The following RALY variants were observed in gnomAD, a reference collection of about 807,000 sequenced individuals.
RALY encodes the protein RALY heterogeneous nuclear ribonucleoprotein.
RALY carries 15 observed loss-of-function variants against 30.7 expected under a neutral mutation model. The observed-to-expected ratio is 0.49, with a 90% CI of 0.33 to 0.75. The LOEUF (loss-of-function observed/expected upper bound fraction) is 0.75, where lower values mean the gene tolerates loss of function less well. RALY is among the 30% of genes least tolerant of loss of function. The pLI, the probability that RALY is intolerant of heterozygous loss-of-function variation, is 0.02. For missense variants in RALY, 339 were observed against 414.3 expected, an observed-to-expected ratio of 0.82 and a Z score of 1.58; for synonymous variants, 177 against 170.8, an observed-to-expected ratio of 1.04 and a Z score of -0.28.
At chr20:34,051,778 T>C (rs565354339) in intron 2 of RALY, among the ~76,000 whole-genome samples, 1 of 152,176 alleles carries the variant, frequency 6.6e-6, no homozygotes, top group East Asian at 1.9e-4. Context: ...TTTGTTGTTG[T>C]TGTTGTTTAG....
At chr20:34,054,704 G>A (rs908330028) in intron 2 of RALY, among the ~76,000 whole-genome samples, 4 of 151,888 alleles carry the variant, frequency 2.6e-5, no homozygotes, top group Non-Finnish European at 5.9e-5. Context: ...TGTATGCCTG[G>A]CATCCCAGCT....
At chr20:34,074,352 C>G (rs1568697459) in intron 5 of RALY, among the ~76,000 whole-genome samples, 1 of 152,162 alleles carries the variant, frequency 6.6e-6, no homozygotes, top group Non-Finnish European at 1.5e-5. Context: ...CCCTGCACTC[C>G]CAAGCCCTAC....
At chr20:34,043,541 T>TG (rs1285946900) in intron 2 of RALY, among the ~76,000 whole-genome samples, 1 of 152,246 alleles carries the variant, frequency 6.6e-6, no homozygotes, top group African/African-American at 2.4e-5. Flanking sequence ...GTGACTTCCT[T>TG]GCTCATGAAA....
At chr20:34,069,615 C>T (rs953866681) in intron 2 of RALY, among the ~76,000 whole-genome samples, 2 of 152,174 alleles carry the variant, frequency 1.3e-5, no homozygotes, top group Non-Finnish European at 2.9e-5. Flanking sequence ...CGTGGATAGA[C>T]AAGGAATTAA....
rs2030975906 is a variant in RALY at position 34,002,754 on chromosome 20, C to T, written c.-93+8623C>T. ...ACATTTCCTTTCAGGTTTAGGTGTC[C>T]AGATATCTGCATCTGGACACCCACA... On this transcript the variant is annotated intron_variant, in intron 1 of 9. Coordinates refer to ENST00000246194, the MANE Select transcript of RALY (RefSeq NM_016732.3). 2.0e-5 allele frequency among the ~76,000 whole-genome samples: 3 copies of T among 152,050 alleles called. No individual in the cohort carries two copies. The South Asian group carries it at 6.2e-4, about 32-fold the overall frequency.
intron 2 of RALY, among the ~76,000 whole-genome samples, chr20:34,059,939 G>A (rs769473066): frequency 2.6e-5 from 4 of 152,154 alleles, no homozygotes; most frequent in Admixed American, 6.5e-5. Flanking sequence ...TTTGCTTAGC[G>A]TCCTCTTCCA....
At chr20:34,024,064 A>T (rs1358767849) in intron 1 of RALY, among the ~76,000 whole-genome samples, 9 of 151,546 alleles carry the variant, frequency 5.9e-5, no homozygotes, top group Non-Finnish European at 1.2e-4. Flanking sequence ...GAATAAGGAG[A>T]CTGGTTCTGG....
intron 1 of RALY, among the ~76,000 whole-genome samples, chr20:34,007,184 G>T (rs778883778): frequency 2.0e-5 from 3 of 152,156 alleles, no homozygotes; most frequent in Non-Finnish European, 4.4e-5. Context: ...TGTCTGCAAA[G>T]CTTTTGTTCC....
intron 1 of RALY, among the ~76,000 whole-genome samples, chr20:33,997,076 T>C (rs2030669497): frequency 6.6e-6 from 1 of 152,180 alleles, no homozygotes; most frequent in Non-Finnish European, 1.5e-5. Flanking sequence ...AAGCCTGTTT[T>C]GAATCTCTGC....
intron 2 of RALY, among the ~76,000 whole-genome samples, chr20:34,048,641 G>A (rs1601469073): frequency 6.6e-6 from 1 of 152,078 alleles, no homozygotes; most frequent in African/African-American, 2.4e-5. Context: ...TGGATCACGA[G>A]GTCAGGAGAT....
At chr20:34,027,360 T>C (rs568058183) in intron 1 of RALY, among the ~76,000 whole-genome samples, 10 of 152,294 alleles carry the variant, frequency 6.6e-5, no homozygotes, top group African/African-American at 2.4e-4. Context: ...TGTCATCACC[T>C]ACTTCACAGG....
At chr20:34,044,695 G>T (rs2032819841) in intron 2 of RALY, among the ~76,000 whole-genome samples, 1 of 152,168 alleles carries the variant, frequency 6.6e-6, no homozygotes, top group African/African-American at 2.4e-5. Flanking sequence ...AAGCCAGAAG[G>T]ACAGATTGGA....
intron 2 of RALY, among the ~76,000 whole-genome samples, chr20:34,067,499 G>A (rs79945331): frequency 0.011 from 1,646 of 152,242 alleles, 34 homozygotes; most frequent in African/African-American, 0.038. Flanking sequence ...CTCTCTGGGT[G>A]TCTCATTTAC....
At position 34,077,213 on chromosome 20, in the gene RALY, G is replaced by C; in HGVS notation, c.844G>C (p.Glu282Gln). ...EARTRDDGDE[E>Q]GLLTHSEEEL... is the part of the protein sequence containing the mutation. ...ACGGACCCGAGACGACGGCGATGAG[G>C]AAGGGCTCCTGACACACAGCGAGGA... The change falls in exon 8 of 10, where the codon GAA becomes CAA. Residue 282 changes from glutamate to glutamine, a missense_variant. Transcript: ENST00000246194. The C allele has an allele frequency of 6.2e-7, 1 of 1,613,906 alleles. No individual in the cohort carries two copies. Among genetic ancestry groups the C allele is most frequent in the Non-Finnish European group, 8.5e-7 (1 of 1,179,932 alleles).
chr20:34,032,320 C>T (rs1443576001), intron 2 of RALY, among the ~76,000 whole-genome samples: 1 of 152,098 alleles, frequency 6.6e-6, no homozygotes, highest in Non-Finnish European at 1.5e-5. Context: ...CATAGGTCAG[C>T]TCCAGAAAAT....
chr20:34,067,046 A>G (rs2033593655), intron 2 of RALY, among the ~76,000 whole-genome samples: 1 of 152,134 alleles, frequency 6.6e-6, no homozygotes, highest in Non-Finnish European at 1.5e-5. Flanking sequence ...TGAGGTCCTG[A>G]TTCCAGTTCT....
chr20:34,077,462 A>C, intron 8 of RALY: 2 of 1,032,112 alleles, frequency 1.9e-6, no homozygotes, highest in African/African-American at 1.6e-5. Flanking sequence ...CCTAGGGCAG[A>C]CCTCCCCCAA....
chr20:34,002,796 T>G (rs563190260), intron 1 of RALY, among the ~76,000 whole-genome samples: 61 of 152,348 alleles, frequency 4.0e-4, no homozygotes, highest in Non-Finnish European at 6.6e-4. Context: ...TCTGGCTGGC[T>G]TCAGGAAGAT....
chr20:34,029,507 A>AGGGG (rs1491410262), intron 1 of RALY, among the ~76,000 whole-genome samples: 1 of 60,736 alleles, frequency 1.6e-5, no homozygotes, highest in African/African-American at 8.1e-5. Flanking sequence ...GGAGGGAGGG[A>AGGGG]GGGAGATGAT....
Sources: allele counts gnomAD v4.1 joint callset (sites outside exome capture counted in the v4.1 genomes callset), GRCh38; gene constraint gnomAD v4.1.1; transcripts MANE v1.5; gene names NCBI Gene and HGNC (gene_info 2026-07-23, HGNC 2026-07-21).